Variants in RAPGEF5 observed in about 807,000 individuals in gnomAD.
The protein encoded by RAPGEF5 is Rap guanine nucleotide exchange factor 5.
Under a neutral mutation model 125.2 loss-of-function variants are expected in RAPGEF5, and 65 were observed. The observed-to-expected ratio is 0.52, with a 90% CI of 0.43 to 0.64. The LOEUF (loss-of-function observed/expected upper bound fraction) is 0.64, where lower values mean the gene tolerates loss of function less well. Ranked by LOEUF, RAPGEF5 falls within the 30% of genes least tolerant of loss-of-function variation. RAPGEF5 has a pLI of 0.00. For synonymous variants in RAPGEF5, 391 were observed against 385.9 expected, an observed-to-expected ratio of 1.01 and a Z score of -0.16; for missense variants, 958 against 1,048.1, an observed-to-expected ratio of 0.91 and a Z score of 1.19.
At chr7:22,152,786 G>A (rs1783670193) in intron 17 of RAPGEF5, among the ~76,000 whole-genome samples, 1 of 152,166 alleles carries the variant, frequency 6.6e-6, no homozygotes, top group Non-Finnish European at 1.5e-5. Flanking sequence ...TTTTGAGATT[G>A]TTTTCTTTGT....
intron 7 of RAPGEF5, among the ~76,000 whole-genome samples, chr7:22,255,399 G>C (rs1234717587): frequency 6.6e-6 from 1 of 151,888 alleles, no homozygotes; most frequent in Admixed American, 6.6e-5. Flanking sequence ...GACCAGCCTG[G>C]GCAACATAGC....
chr7:22,223,922 G>A (rs527309604), intron 8 of RAPGEF5, among the ~76,000 whole-genome samples: 34 of 152,144 alleles, frequency 2.2e-4, no homozygotes, highest in Non-Finnish European at 4.7e-4. Flanking sequence ...TTTGTAAAGG[G>A]CCAGACAATA....
chr7:22,293,217 T>C (rs1782973276), intron 5 of RAPGEF5, among the ~76,000 whole-genome samples: 1 of 152,200 alleles, frequency 6.6e-6, no homozygotes, highest in African/African-American at 2.4e-5. Context: ...GCCCTGTTTT[T>C]CCATCTGCCT....
chr7:22,219,804 C>A, intron 9 of RAPGEF5, 62 bp downstream of exon 9: 4 of 1,508,156 alleles, frequency 2.7e-6, no homozygotes, highest in Non-Finnish European at 8.9e-7. Context: ...TTCAAACATG[C>A]AATCAGGCAA....
intron 5 of RAPGEF5, among the ~76,000 whole-genome samples, chr7:22,293,988 A>G (rs1026400773): frequency 8.5e-5 from 13 of 152,230 alleles, no homozygotes; most frequent in Admixed American, 1.3e-4. Flanking sequence ...TTTTCAGTGC[A>G]ACCCAGGAAA....
intron 7 of RAPGEF5, among the ~76,000 whole-genome samples, chr7:22,242,511 A>G (rs1213901775): frequency 6.6e-6 from 1 of 152,168 alleles, no homozygotes; most frequent in East Asian, 1.9e-4. Flanking sequence ...GCCCCTGGTC[A>G]CCACTCGAAT....
At chr7:22,356,785 C>G in intron 1 of RAPGEF5, 45 bp downstream of exon 1, 1 of 1,076,576 alleles carries the variant, frequency 9.3e-7, no homozygotes, top group East Asian at 4.3e-5. Context: ...GCGGGCTCCA[C>G]GTGCGCGCCG....
At chr7:22,184,215 T>TC (rs1410650508) in intron 11 of RAPGEF5, among the ~76,000 whole-genome samples, 1 of 152,206 alleles carries the variant, frequency 6.6e-6, no homozygotes, top group Non-Finnish European at 1.5e-5. Context: ...TATGCATTTA[T>TC]CGTAGTAAAT....
chr7:22,207,473 G>A (rs537180913), intron 9 of RAPGEF5, among the ~76,000 whole-genome samples: 14 of 152,228 alleles, frequency 9.2e-5, no homozygotes, highest in African/African-American at 3.1e-4. Flanking sequence ...AGGGGGTGGG[G>A]GGAGGAAATA....
At chr7:22,125,715 G>A in intron 24 of RAPGEF5, 57 bp from the exon 25 acceptor site, 1 of 1,475,368 alleles carries the variant, frequency 6.8e-7, no homozygotes, top group Non-Finnish European at 9.5e-7. Context: ...TGTTACTGAA[G>A]AAGCAGTGCC....
intron 6 of RAPGEF5, among the ~76,000 whole-genome samples, chr7:22,277,250 A>G (rs997215680): frequency 2.0e-5 from 3 of 152,200 alleles, no homozygotes; most frequent in African/African-American, 7.2e-5. Flanking sequence ...AGAGGTATCA[A>G]TCAACTTAAG....
At chr7:22,130,282 T>C (rs1200556875) in intron 24 of RAPGEF5, among the ~76,000 whole-genome samples, 1 of 152,180 alleles carries the variant, frequency 6.6e-6, no homozygotes, top group Non-Finnish European at 1.5e-5. Context: ...TTACAGTTGC[T>C]CAGTTCTTAT....
At chr7:22,262,878 T>A (rs1782190614) in intron 7 of RAPGEF5, among the ~76,000 whole-genome samples, 1 of 152,188 alleles carries the variant, frequency 6.6e-6, no homozygotes, top group African/African-American at 2.4e-5. Context: ...GTGGGAAGAT[T>A]GCTTTAGACT....
At chr7:22,154,697 A>C in intron 16 of RAPGEF5, 93 bp from the exon 17 acceptor site, 1 of 1,407,950 alleles carries the variant, frequency 7.1e-7, no homozygotes, top group Non-Finnish European at 9.6e-7. Context: ...AACTTTTCTA[A>C]ATCAACCCAC....
At chr7:22,155,957 A>G (rs1296385994) in intron 16 of RAPGEF5, among the ~76,000 whole-genome samples, 1 of 152,246 alleles carries the variant, frequency 6.6e-6, no homozygotes, top group African/African-American at 2.4e-5. Context: ...CAACGAATGA[A>G]TTAGGAAGTT....
At chr7:22,313,377 C>T (rs558447101) in intron 3 of RAPGEF5, among the ~76,000 whole-genome samples, 2 of 152,160 alleles carry the variant, frequency 1.3e-5, no homozygotes, top group African/African-American at 4.8e-5. Flanking sequence ...TGAGTTCTCA[C>T]GTGGTATGTG....
At chr7:22,287,959 T>C (rs1386473989) in intron 6 of RAPGEF5, among the ~76,000 whole-genome samples, 4 of 152,228 alleles carry the variant, frequency 2.6e-5, no homozygotes, top group East Asian at 1.9e-4. Flanking sequence ...TGCAGGCCGA[T>C]TGCCCACCAG....
chr7:22,301,523 G>A (rs1321475127), intron 5 of RAPGEF5, among the ~76,000 whole-genome samples: 2 of 151,238 alleles, frequency 1.3e-5, no homozygotes, highest in South Asian at 2.1e-4. Context: ...GCTGCGGCAG[G>A]AGAATGGCGT....
chr7:22,318,667 G>C (rs1783652801), intron 1 of RAPGEF5, among the ~76,000 whole-genome samples: 1 of 152,100 alleles, frequency 6.6e-6, no homozygotes, highest in Non-Finnish European at 1.5e-5. Flanking sequence ...TCATAACCCT[G>C]CCTTTAGTCA....
Sources: allele counts gnomAD v4.1 joint callset (sites outside exome capture counted in the v4.1 genomes callset), GRCh38; gene constraint gnomAD v4.1.1; transcripts MANE v1.5; gene names NCBI Gene and HGNC (gene_info 2026-07-23, HGNC 2026-07-21).